The following HPSE2 variants were observed in gnomAD, a reference collection of about 807,000 sequenced individuals.
HPSE2 encodes the protein heparanase 2 (inactive), also known as inactive heparanase-2.
HPSE2 carries 38 observed loss-of-function variants against 60.5 expected under a neutral mutation model. The observed-to-expected ratio is 0.63, with a 90% confidence interval of 0.48 to 0.82. The LOEUF (loss-of-function observed/expected upper bound fraction) is 0.82, where lower values mean the gene tolerates loss of function less well. HPSE2 is among the 40% of genes least tolerant of loss of function. HPSE2 has a pLI of 0.00. For missense variants in HPSE2, 713 were observed against 740.4 expected, an observed-to-expected ratio of 0.96 and a Z score of 0.43; for synonymous variants, 295 against 293.2, an observed-to-expected ratio of 1.01 and a Z score of -0.06.
At chr10:99,067,141 A>C (rs1842643038) in intron 3 of HPSE2, among the ~76,000 whole-genome samples, 1 of 152,180 alleles carries the variant, frequency 6.6e-6, no homozygotes. Flanking sequence ...CTGATTCGAG[A>C]GGTGGGCTCC....
intron 2 of HPSE2, among the ~76,000 whole-genome samples, chr10:99,220,740 T>C (rs935756659): frequency 6.9e-6 from 1 of 145,618 alleles, no homozygotes; most frequent in Non-Finnish European, 1.5e-5. Flanking sequence ...GAGGTGGAGG[T>C]TGCAGTGAGC....
Position 99,134,971 on chromosome 10 carries a change from C to G in HPSE2, c.610+9267G>C, listed in dbSNP as rs574713522. ...ATCAGTGTGCTGTATTCAGGAGACC[C>G]AGCCCACCTGCAAAGACACACATAG... On this transcript the variant is annotated intron_variant, in intron 3 of 11. Transcript: ENST00000370552. 1.1e-4 allele frequency among the ~76,000 whole-genome samples: 17 copies of G among 152,214 alleles called. No homozygotes were observed. In the South Asian group the frequency reaches 3.3e-3, roughly 30 times the overall value.
chr10:99,091,885 C>A (rs760699478), intron 3 of HPSE2, among the ~76,000 whole-genome samples: 7 of 152,164 alleles, frequency 4.6e-5, no homozygotes, highest in Non-Finnish European at 8.8e-5. Context: ...TTTTAATTAT[C>A]TGTGAGCTTT....
intron 6 of HPSE2, among the ~76,000 whole-genome samples, chr10:98,657,338 T>TC (rs1412852523): frequency 6.6e-6 from 1 of 152,020 alleles, no homozygotes; most frequent in Non-Finnish European, 1.5e-5. Flanking sequence ...AAATCCTTTT[T>TC]TTTTGTTTGT....
chr10:99,232,911 C>T (rs368810206), intron 1 of HPSE2, among the ~76,000 whole-genome samples: 16 of 152,394 alleles, frequency 1.0e-4, no homozygotes, highest in African/African-American at 3.8e-4. Flanking sequence ...CTAGGCGCGC[C>T]TACCTCTGGC....
At chr10:98,694,258 AACC>A (rs1467576188) in intron 5 of HPSE2, among the ~76,000 whole-genome samples, 1 of 152,188 alleles carries the variant, frequency 6.6e-6, no homozygotes, top group East Asian at 1.9e-4. Context: ...ATTTCCTCAT[AACC>A]AAAACTTGTC....
intron 3 of HPSE2, among the ~76,000 whole-genome samples, chr10:98,832,650 T>A (rs1368219658): frequency 6.6e-6 from 1 of 152,102 alleles, no homozygotes; most frequent in African/African-American, 2.4e-5. Flanking sequence ...AGGATTTAGA[T>A]AACGACCACT....
At chr10:99,122,663 T>C (rs1845003271) in intron 3 of HPSE2, among the ~76,000 whole-genome samples, 2 of 151,898 alleles carry the variant, frequency 1.3e-5, no homozygotes, top group Non-Finnish European at 2.9e-5. Flanking sequence ...ACAAAATAAC[T>C]GAACAAATGG....
rs530474361 is a variant in HPSE2, at chr10:98,929,134, T to A, written c.611-185078A>T. On this transcript the variant is annotated intron_variant, in intron 3 of 11. Transcript: ENST00000370552. ...CCACAAACCCATACCTTCTTTCCTA[T>A]TAATACTCATGGTATATGATGTGTG... 1.3e-4 allele frequency among the ~76,000 whole-genome samples: 18 copies of A among 143,816 alleles called. 3 individuals carry two copies. Among genetic ancestry groups the A allele is most frequent in the African/African-American group, 4.8e-4 (17 of 35,442 alleles). The allele number at this position is 143,816 out of a possible 152,430, so 94.3% of individuals were successfully genotyped here. A position where few individuals can be genotyped will look rare whatever the true frequency, so the allele number is the denominator to read the frequency against.
intron 1 of HPSE2, 108 bp from the exon 2 acceptor site, chr10:99,232,613 C>G: frequency 7.8e-7 from 1 of 1,277,754 alleles, no homozygotes; most frequent in South Asian, 1.3e-5. Context: ...CTGGCCGGGG[C>G]TAGAGGCTCT....
intron 3 of HPSE2, among the ~76,000 whole-genome samples, chr10:99,064,720 A>G (rs1354370899): frequency 1.4e-5 from 2 of 147,440 alleles, no homozygotes; most frequent in African/African-American, 2.5e-5. Context: ...TCTAAAATAC[A>G]CCTTATCAAC....
At chr10:99,177,492 C>G (rs960344707) in intron 2 of HPSE2, among the ~76,000 whole-genome samples, 18 of 151,984 alleles carry the variant, frequency 1.2e-4, no homozygotes, top group African/African-American at 4.1e-4. Flanking sequence ...ATATAACAGA[C>G]TTTAAACCAA....
At chr10:99,124,395 C>T (rs112271318) in intron 3 of HPSE2, among the ~76,000 whole-genome samples, 1 of 152,208 alleles carries the variant, frequency 6.6e-6, no homozygotes, top group Non-Finnish European at 1.5e-5. Context: ...TGGGGCTTCA[C>T]CAGATACCCA....
intron 5 of HPSE2, among the ~76,000 whole-genome samples, chr10:98,704,710 C>A (rs917466653): frequency 6.6e-6 from 1 of 152,058 alleles, no homozygotes; most frequent in Non-Finnish European, 1.5e-5. Flanking sequence ...TAGCCATATG[C>A]GGAAAACTGA....
chr10:98,863,035 A>T (rs1462654930), intron 3 of HPSE2, among the ~76,000 whole-genome samples: 1 of 152,174 alleles, frequency 6.6e-6, no homozygotes, highest in African/African-American at 2.4e-5. Context: ...AAGTGCTGGC[A>T]TTATAGACGT....
Position 99,045,506 on chromosome 10 carries a change from T to C in HPSE2, c.610+98732A>G, listed in dbSNP as rs1226241287. Reference sequence around the variant, plus strand: ...ATAATTACAGAAGAACCAAATGAAATTGAGATGCAAAAATCCATATGAAAA... The same window carrying C: ...ATAATTACAGAAGAACCAAATGAAACTGAGATGCAAAAATCCATATGAAAA... On this transcript the variant is annotated intron_variant, in intron 3 of 11. Transcript: ENST00000370552. 8.6e-5 allele frequency among the ~76,000 whole-genome samples: 13 copies of C among 151,892 alleles called. No homozygotes were observed. The East Asian group carries it at 2.3e-3, about 27-fold the overall frequency.
chr10:99,300,966 C>T, the HPSE2 span, among the ~76,000 whole-genome samples: 2 of 152,102 alleles, frequency 1.3e-5, no homozygotes, highest in African/African-American at 4.8e-5. Flanking sequence ...TGTAAAAAAA[C>T]CAAATGGGGA....
rs148913782 is a variant in HPSE2 at position 98,590,182 on chromosome 10, C to T, written c.1320+24722G>A. The stretch of plus-strand genomic sequence containing the variant: ...TTTCGCCCAGGCGTGGTGGCTCATG[C>T]CTGCAATCCCAGCACTTTGGGAGGC... On this transcript the variant is annotated intron_variant, in intron 9 of 11. Coordinates refer to ENST00000370552, the MANE Select transcript of HPSE2 (RefSeq NM_021828.5). Among the ~76,000 whole-genome samples, 825 of 152,360 alleles carry T rather than the reference C, an allele frequency of 5.4e-3. 12 individuals carry two copies. Among genetic ancestry groups the T allele is most frequent in the African/African-American group, 0.019 (799 of 41,582 alleles).
the HPSE2 span, among the ~76,000 whole-genome samples, chr10:99,244,813 G>A: frequency 6.6e-6 from 1 of 151,906 alleles, no homozygotes; most frequent in Non-Finnish European, 1.5e-5. Flanking sequence ...AAAATCAGCT[G>A]ACAGACTTTA....
Sources: gnomAD v4.1 joint callset for allele counts (sites outside exome capture counted in the v4.1 genomes callset) on GRCh38, gnomAD v4.1.1 for gene constraint, MANE v1.5 for transcripts, NCBI Gene and HGNC (gene_info 2026-07-23, HGNC 2026-07-21) for gene names.